PAX3: variants seen among roughly 807,000 people sequenced by gnomAD.
PAX3 encodes the protein paired box protein Pax-3.
Under a neutral mutation model 51.6 loss-of-function variants are expected in PAX3, and 14 were observed. That is an observed-to-expected ratio of 0.27 (90% CI 0.18 to 0.42). PAX3 has a LOEUF of 0.42. Among genes scored for constraint, PAX3 ranks in the 10% least tolerant of loss-of-function variants. The pLI is 1.00. For synonymous variants in PAX3, 280 were observed against 253.4 expected, an observed-to-expected ratio of 1.11 and a Z score of -1.00; for missense variants, 540 against 642.8, an observed-to-expected ratio of 0.84 and a Z score of 1.73.
chr2:222,230,467 C>T (rs1030350786), intron 5 of PAX3, among the ~76,000 whole-genome samples: 12 of 152,008 alleles, frequency 7.9e-5, no homozygotes, highest in Admixed American at 3.3e-4. Context: ...ATGTAGATGA[C>T]GGGTTGATGG....
chr2:222,269,508 C>T (rs1694174734), intron 4 of PAX3, among the ~76,000 whole-genome samples: 1 of 152,164 alleles, frequency 6.6e-6, no homozygotes, highest in Non-Finnish European at 1.5e-5. Context: ...GAAGAGGAGG[C>T]TGGCCTGTGA....
At chr2:222,238,254 A>G (rs972391387) in intron 4 of PAX3, among the ~76,000 whole-genome samples, 2 of 152,236 alleles carry the variant, frequency 1.3e-5, no homozygotes, top group African/African-American at 4.8e-5. Context: ...AAGGAATTAC[A>G]GAATTAGAGA....
chr2:222,206,791 T>C (rs556373401), intron 7 of PAX3, among the ~76,000 whole-genome samples: 7 of 152,286 alleles, frequency 4.6e-5, no homozygotes, highest in African/African-American at 1.7e-4. Flanking sequence ...AAAATATTTG[T>C]CTTGGCACAA....
At position 222,220,353 on chromosome 2, in the gene PAX3, A is replaced by G. The variant is rs2106072459; in HGVS notation, c.960T>C (p.Ala320=). 6.2e-7 allele frequency: 1 copy of G among 1,613,868 alleles called. No homozygotes were observed. Among genetic ancestry groups the G allele is most frequent in the Non-Finnish European group, 8.5e-7 (1 of 1,179,800 alleles). Residue 320 remains alanine, a splice_region_variant and synonymous_variant, in exon 7 of 9, where the codon GCT becomes GCC. Coordinates refer to ENST00000392070, the MANE Select transcript of PAX3 (RefSeq NM_181458.4). ...GAACGGTGCTGCTGGGATCTGACAC[A>G]GCTGAAATGAAAAAGATTGTCAACC... ...TSYQPTSIPQ[A]VSDPSSTVHR... is the part of the protein sequence containing the mutation.
At chr2:222,250,290 G>C (rs1164791209) in intron 4 of PAX3, among the ~76,000 whole-genome samples, 8 of 152,032 alleles carry the variant, frequency 5.3e-5, no homozygotes, top group Admixed American at 5.2e-4. Context: ...TCCATTATTG[G>C]GAAGTAACCC....
intron 4 of PAX3, among the ~76,000 whole-genome samples, chr2:222,279,060 C>T (rs1018151888): frequency 6.6e-6 from 1 of 152,202 alleles, no homozygotes; most frequent in African/African-American, 2.4e-5. Flanking sequence ...AAACAATTCT[C>T]CTGCCTCAGC....
chr2:222,282,414 A>C (rs1057207090), intron 4 of PAX3, among the ~76,000 whole-genome samples: 2 of 152,232 alleles, frequency 1.3e-5, no homozygotes, highest in Admixed American at 6.5e-5. Flanking sequence ...TCTTTTGTGC[A>C]GAGATGGGCA....
intron 4 of PAX3, among the ~76,000 whole-genome samples, chr2:222,280,953 T>C (rs10932952): frequency 0.22 from 33,759 of 152,156 alleles, 4,266 homozygotes; most frequent in South Asian, 0.39. Context: ...AGCAAGTATT[T>C]AGAGCTTGGC....
chr2:222,203,486 A>G (rs771515549), intron 7 of PAX3, among the ~76,000 whole-genome samples: 93 of 152,226 alleles, frequency 6.1e-4, no homozygotes, highest in African/African-American at 2.0e-3. Context: ...GCCTACAGAG[A>G]TTAAAGTGTG....
intron 4 of PAX3, among the ~76,000 whole-genome samples, chr2:222,261,018 T>C (rs1693843255): frequency 6.6e-6 from 1 of 152,244 alleles, no homozygotes; most frequent in Non-Finnish European, 1.5e-5. Flanking sequence ...CATCCTTCAA[T>C]GCAGTGAGTG....
intron 4 of PAX3, among the ~76,000 whole-genome samples, chr2:222,261,427 T>C (rs1345030268): frequency 6.6e-6 from 1 of 152,144 alleles, no homozygotes; most frequent in African/African-American, 2.4e-5. Flanking sequence ...AGCACACATG[T>C]CAATTTGTAT....
At chr2:222,278,114 C>T (rs1007878663) in intron 4 of PAX3, among the ~76,000 whole-genome samples, 30 of 152,172 alleles carry the variant, frequency 2.0e-4, no homozygotes, top group African/African-American at 7.2e-4. Context: ...AATACACTGG[C>T]AATTTCTGAA....
intron 4 of PAX3, chr2:222,263,162 G>C (rs1294654324): frequency 1.3e-5 from 2 of 152,082 alleles, no homozygotes; most frequent in Non-Finnish European, 2.9e-5. Flanking sequence ...ATGGTTAAAA[G>C]AATGAAAAGG....
At chr2:222,264,320 T>G (rs1693967203) in intron 4 of PAX3, 1 of 152,220 alleles carries the variant, frequency 6.6e-6, no homozygotes, top group Non-Finnish European at 1.5e-5. Context: ...AGGAGTCTAT[T>G]TTTGTGAAAT....
At chr2:222,239,861 G>A (rs1000225516) in intron 4 of PAX3, among the ~76,000 whole-genome samples, 2 of 151,736 alleles carry the variant, frequency 1.3e-5, no homozygotes, top group Non-Finnish European at 1.5e-5. Flanking sequence ...AGGATATGCT[G>A]AGCTTTCTTG....
intron 4 of PAX3, 64 bp from the exon 5 acceptor site, chr2:222,232,347 T>C: frequency 7.2e-7 from 1 of 1,393,098 alleles, no homozygotes. Flanking sequence ...TGAGATTGAA[T>C]CCAAGTTCTC....
intron 6 of PAX3, 122 bp downstream of exon 6, chr2:222,221,100 A>T: frequency 2.2e-6 from 2 of 930,076 alleles, no homozygotes; most frequent in Non-Finnish European, 3.6e-6. Flanking sequence ...GTTCAGGACA[A>T]CCTGATGTAT....
In PAX3 at chr2:222,292,427, GAGA is replaced by G. The variant is rs1274789538; in HGVS notation, c.586+1737_586+1739del. Among the ~76,000 whole-genome samples the G allele has an allele frequency of 3.3e-5, 5 of 152,148 alleles. No homozygotes were observed. The East Asian group carries it at 7.7e-4, about 23-fold the overall frequency. The stretch of plus-strand genomic sequence containing the variant: ...TTCATCTCCAAGTGTAGATTGTGTA[GAGA>G]AGGACTTCTTTGTAAAAGCTGGAAA... On this transcript the variant is annotated intron_variant, in intron 4 of 8. Transcript: ENST00000392070.
intron 4 of PAX3, among the ~76,000 whole-genome samples, chr2:222,260,254 G>GA (rs76791724): frequency 0.099 from 14,901 of 150,488 alleles, 939 homozygotes; most frequent in East Asian, 0.33. Context: ...GACTACATGT[G>GA]AAAAAAAAAC....
Sources: gnomAD v4.1 joint callset for allele counts (sites outside exome capture counted in the v4.1 genomes callset) on GRCh38, gnomAD v4.1.1 for gene constraint, MANE v1.5 for transcripts, NCBI Gene and HGNC (gene_info 2026-07-23, HGNC 2026-07-21) for gene names.